The following ITPR2 variants were observed in gnomAD, a reference collection of about 807,000 sequenced individuals.
The protein encoded by ITPR2 is inositol 1,4,5-trisphosphate receptor type 2.
In ITPR2, 207 loss-of-function variants were observed where a neutral mutation model predicts 317.1. The observed-to-expected ratio is 0.65, with a 90% CI of 0.58 to 0.73. ITPR2 has a LOEUF of 0.73. Ranked by LOEUF, ITPR2 falls within the 30% of genes least tolerant of loss-of-function variation. ITPR2 has a pLI of 0.00. For synonymous variants in ITPR2, 1,156 were observed against 1,149.1 expected (o/e 1.01, Z -0.12); for missense variants, 2,613 against 3,284.0 (o/e 0.80, Z 4.99).
chr12:26,730,528 C>T (rs1949007948), intron 2 of ITPR2, among the ~76,000 whole-genome samples: 1 of 152,134 alleles, frequency 6.6e-6, no homozygotes. Flanking sequence ...ATCAACAGCA[C>T]AAATAAAAGG....
chr12:26,582,606 C>T (rs191523396), intron 32 of ITPR2, among the ~76,000 whole-genome samples: 274 of 152,192 alleles, frequency 1.8e-3, no homozygotes, highest in African/African-American at 5.8e-3. Flanking sequence ...CCTTCTTGCT[C>T]ATCTTTTATG....
intron 55 of ITPR2, among the ~76,000 whole-genome samples, chr12:26,363,054 G>C (rs954675834): frequency 2.0e-5 from 3 of 152,218 alleles, no homozygotes; most frequent in African/African-American, 7.2e-5. Flanking sequence ...GGCCTGTTAG[G>C]AACTGGGCTG....
intron 2 of ITPR2, among the ~76,000 whole-genome samples, chr12:26,735,454 G>A (rs1949105179): frequency 6.6e-6 from 1 of 152,112 alleles, no homozygotes; most frequent in Non-Finnish European, 1.5e-5. Flanking sequence ...GGAAGGGGAA[G>A]GGTAGGGAAG....
At chr12:26,666,088 G>A in intron 13 of ITPR2, 37 bp from the exon 14 acceptor site, 1 of 1,581,796 alleles carries the variant, frequency 6.3e-7, no homozygotes, top group African/African-American at 1.4e-5. Context: ...ACTTTACAGT[G>A]TGCTTAATTT....
intron 55 of ITPR2, among the ~76,000 whole-genome samples, chr12:26,368,816 T>C (rs1452632672): frequency 6.6e-6 from 1 of 152,246 alleles, no homozygotes; most frequent in African/African-American, 2.4e-5. Flanking sequence ...AACAAAGTTG[T>C]TGCCCTAATG....
intron 37 of ITPR2, among the ~76,000 whole-genome samples, chr12:26,499,074 A>T (rs966760465): frequency 5.3e-5 from 8 of 152,248 alleles, no homozygotes; most frequent in Non-Finnish European, 1.0e-4. Flanking sequence ...ATTTTTTTAA[A>T]GATGAAATAG....
chr12:26,481,029 T>G, intron 43 of ITPR2, 102 bp downstream of exon 43: 1 of 606,080 alleles, frequency 1.6e-6, no homozygotes. Context: ...TTCTGTCAAT[T>G]GATTAGTTGA....
At chr12:26,445,613 G>A (rs1192410446) in intron 45 of ITPR2, among the ~76,000 whole-genome samples, 2 of 152,154 alleles carry the variant, frequency 1.3e-5, no homozygotes, top group African/African-American at 4.8e-5. Flanking sequence ...TAGCAGGTAA[G>A]TCCAATCAAA....
intron 1 of ITPR2, among the ~76,000 whole-genome samples, chr12:26,822,789 G>A (rs1285516716): frequency 6.6e-6 from 1 of 152,148 alleles, no homozygotes; most frequent in Non-Finnish European, 1.5e-5. Flanking sequence ...ATGTGACAAG[G>A]ATGGAATGCC....
Position 26,481,176 on chromosome 12 carries a change from T to G in ITPR2, c.6078A>C (p.Ile2026=), listed in dbSNP as rs754752546. Residue 2026 remains isoleucine, a synonymous_variant, in exon 43 of 57, where the codon ATA becomes ATC. Transcript: ENST00000381340. ...DIIIALILND[I]NPLGKYRMDL... ...CCATTCGGTATTTACCAAGAGGGTT[T>G]ATGTCATTCAGAATCAAAGCAATGA... 2 of 1,613,762 alleles carry G rather than the reference T, an allele frequency of 1.2e-6. No individual in the cohort carries two copies. Among genetic ancestry groups the G allele is most frequent in the Non-Finnish European group, 1.7e-6 (2 of 1,179,656 alleles).
At chr12:26,378,378 A>AT (rs1192757989) in intron 55 of ITPR2, among the ~76,000 whole-genome samples, 1 of 152,114 alleles carries the variant, frequency 6.6e-6, no homozygotes, top group African/African-American at 2.4e-5. Flanking sequence ...AAAGCATGGC[A>AT]TTTTTGAGAA....
intron 1 of ITPR2, among the ~76,000 whole-genome samples, chr12:26,821,315 T>C (rs527946142): frequency 1.3e-5 from 2 of 152,318 alleles, no homozygotes; most frequent in Non-Finnish European, 2.9e-5. Flanking sequence ...GGTAGCCAGA[T>C]CTGGGCATTG....
intron 2 of ITPR2, among the ~76,000 whole-genome samples, chr12:26,778,519 C>G (rs112591740): frequency 2.6e-5 from 4 of 152,256 alleles, no homozygotes; most frequent in Non-Finnish European, 1.5e-5. Context: ...TTGGCAAATG[C>G]CTTTTTCTCC....
chr12:26,617,910 C>T (rs1441990397), intron 26 of ITPR2, among the ~76,000 whole-genome samples: 1 of 151,936 alleles, frequency 6.6e-6, no homozygotes, highest in East Asian at 1.9e-4. Context: ...AAAAACAAAT[C>T]ACCAAGATAT....
At chr12:26,745,185 G>C (rs368739886) in intron 2 of ITPR2, among the ~76,000 whole-genome samples, 3 of 152,338 alleles carry the variant, frequency 2.0e-5, no homozygotes, top group African/African-American at 7.2e-5. Flanking sequence ...ATGAAAACAT[G>C]AGAACATAAA....
intron 1 of ITPR2, among the ~76,000 whole-genome samples, chr12:26,825,234 G>A (rs1249028358): frequency 2.6e-5 from 4 of 152,046 alleles, no homozygotes; most frequent in Non-Finnish European, 5.9e-5. Context: ...CCCTGTCTCT[G>A]AAGAAAATTA....
At chr12:26,791,638 A>G (rs1044507005) in intron 1 of ITPR2, among the ~76,000 whole-genome samples, 6 of 152,124 alleles carry the variant, frequency 3.9e-5, no homozygotes, top group Admixed American at 1.3e-4. Context: ...GTTTACTAAA[A>G]TGTGGTTTTA....
rs771365057 is a variant in ITPR2, at chr12:26,443,627, C to T, written c.6366G>A (p.Leu2122=). 5 of 1,612,902 alleles carry T rather than the reference C, an allele frequency of 3.1e-6. No individual in the cohort carries two copies. Among genetic ancestry groups the T allele is most frequent in the Non-Finnish European group, 4.2e-6 (5 of 1,179,166 alleles). ...CCGATCCTGGTTTGAGCATCTGCTGCAACAGTTTATTGTGGCGGGCCAACT... is the reference window on the plus strand; with the variant it reads ...CCGATCCTGGTTTGAGCATCTGCTGTAACAGTTTATTGTGGCGGGCCAACT... The part of the protein sequence containing the change: ...AHQLARHNKL[L]QQMLKPGSDP... The change falls in exon 46 of 57, where the codon TTG becomes TTA. Residue 2122 remains leucine (L), a synonymous_variant. Coordinates refer to ENST00000381340, the MANE Select transcript of ITPR2 (RefSeq NM_002223.4).
intron 45 of ITPR2, among the ~76,000 whole-genome samples, chr12:26,446,732 CA>C (rs34601956): frequency 2.4e-4 from 29 of 122,770 alleles, no homozygotes; most frequent in South Asian, 2.2e-3. Flanking sequence ...AAAAGGGACT[CA>C]AAAAAAAAAA....
Sources: allele counts gnomAD v4.1 joint callset (sites outside exome capture counted in the v4.1 genomes callset), GRCh38; gene constraint gnomAD v4.1.1; transcripts MANE v1.5; gene names NCBI Gene and HGNC (gene_info 2026-07-23, HGNC 2026-07-21).